The following SGIP1 variants were observed in gnomAD, a reference collection of about 807,000 sequenced individuals.
SGIP1 encodes the protein SH3GL interacting endocytic adaptor 1.
SGIP1 carries 38 observed loss-of-function variants against 107.5 expected under a neutral mutation model. The ratio of observed to expected loss-of-function variants is 0.35; its 90% CI spans 0.27 to 0.46. SGIP1 has a LOEUF of 0.46. SGIP1 is among the 20% of genes least tolerant of loss of function. The pLI is 1.00. For synonymous variants in SGIP1, 365 were observed against 366.1 expected (o/e 1.00, Z 0.03); for missense variants, 929 against 1,019.5 (o/e 0.91, Z 1.21).
At chr1:66,539,086 A>G (rs911391264) in intron 1 of SGIP1, among the ~76,000 whole-genome samples, 64 of 152,352 alleles carry the variant, frequency 4.2e-4, no homozygotes, top group African/African-American at 1.5e-3. Flanking sequence ...ATGTAAACTC[A>G]CAGACTGAAT....
intron 12 of SGIP1, among the ~76,000 whole-genome samples, chr1:66,674,025 G>A (rs1252778626): frequency 3.3e-5 from 5 of 151,924 alleles, no homozygotes; most frequent in South Asian, 2.1e-4. Flanking sequence ...AAAATTAGCC[G>A]GGCATGGTGG....
chr1:66,739,681 G>T, intron 22 of SGIP1, 144 bp downstream of exon 22: 1 of 734,936 alleles, frequency 1.4e-6, no homozygotes, highest in Non-Finnish European at 2.2e-6. Context: ...ACCACTGGTA[G>T]CTATTTTAAG....
chr1:66,708,778 C>CA (rs35422955), intron 18 of SGIP1, among the ~76,000 whole-genome samples: 3 of 151,586 alleles, frequency 2.0e-5, no homozygotes, highest in East Asian at 3.9e-4. Flanking sequence ...ATTTGAAAAG[C>CA]AAAAAAAATA....
intron 18 of SGIP1, among the ~76,000 whole-genome samples, chr1:66,708,897 C>T (rs186731725): frequency 6.6e-5 from 10 of 152,220 alleles, no homozygotes; most frequent in African/African-American, 2.2e-4. Flanking sequence ...ATCCAGTACT[C>T]TCAGTTCTAC....
At chr1:66,653,659 T>C (rs1321836676) in intron 7 of SGIP1, among the ~76,000 whole-genome samples, 4 of 152,322 alleles carry the variant, frequency 2.6e-5, no homozygotes, top group South Asian at 2.1e-4. Flanking sequence ...AATCAAAATT[T>C]CATTGAATAA....
At chr1:66,629,795 C>A (rs1217603608) in intron 2 of SGIP1, among the ~76,000 whole-genome samples, 1 of 152,160 alleles carries the variant, frequency 6.6e-6, no homozygotes, top group Non-Finnish European at 1.5e-5. Flanking sequence ...CTGCTAAAAT[C>A]TCTTCACTCC....
intron 7 of SGIP1, among the ~76,000 whole-genome samples, chr1:66,652,415 G>A (rs2078935670): frequency 6.6e-6 from 1 of 152,154 alleles, no homozygotes; most frequent in Non-Finnish European, 1.5e-5. Flanking sequence ...ACCTACCCTG[G>A]CGTGTAGGCT....
At chr1:66,567,435 C>G (rs965502283) in intron 1 of SGIP1, among the ~76,000 whole-genome samples, 5 of 151,946 alleles carry the variant, frequency 3.3e-5, no homozygotes. Context: ...TGCAAAAATG[C>G]TCTCCCATTC....
intron 1 of SGIP1, among the ~76,000 whole-genome samples, chr1:66,611,657 T>C (rs1195704156): frequency 1.3e-5 from 2 of 152,198 alleles, no homozygotes; most frequent in Non-Finnish European, 2.9e-5. Flanking sequence ...AGGTGATAGC[T>C]TCATGCGATG....
At chr1:66,727,427 C>T (rs2093806197) in intron 19 of SGIP1, among the ~76,000 whole-genome samples, 1 of 152,174 alleles carries the variant, frequency 6.6e-6, no homozygotes, top group Admixed American at 6.5e-5. Flanking sequence ...TGTGGAAGAA[C>T]TAAAACCCTC....
chr1:66,715,303 A>G lies in SGIP1; in HGVS notation c.1631-3991A>G, dbSNP rs562263339. On this transcript the variant is annotated intron_variant, in intron 18 of 24. Coordinates refer to ENST00000371037, the MANE Select transcript of SGIP1 (RefSeq NM_032291.4). The stretch of plus-strand genomic sequence containing the variant: ...CAAAATGGCATATCAATTGCAATGT[A>G]TAGGGATGTGAAGAAATTAGGGTTG... Among the ~76,000 whole-genome samples the G allele has an allele frequency of 5.9e-5, 9 of 152,286 alleles. 1 individual carries two copies. The highest frequency in any genetic ancestry group is 2.2e-4 in the African/African-American group (9 of 41,578).
chr1:66,717,486 G>A (rs970876161), intron 18 of SGIP1, among the ~76,000 whole-genome samples: 3 of 152,088 alleles, frequency 2.0e-5, no homozygotes, highest in Admixed American at 2.0e-4. Flanking sequence ...GTACTGTCAA[G>A]GTCTCATTAC....
At chr1:66,684,959 T>G (rs1465101667) in intron 15 of SGIP1, among the ~76,000 whole-genome samples, 1 of 152,242 alleles carries the variant, frequency 6.6e-6, no homozygotes, top group Admixed American at 6.5e-5. Flanking sequence ...AAAATTGAAC[T>G]GGGCCACTGA....
chr1:66,687,154 A>G (rs2088554238), intron 15 of SGIP1, among the ~76,000 whole-genome samples: 2 of 152,220 alleles, frequency 1.3e-5, no homozygotes, highest in African/African-American at 4.8e-5. Flanking sequence ...GCATGTAGGA[A>G]AAGGATAAAC....
At chr1:66,668,183 A>G (rs1335365832) in intron 9 of SGIP1, among the ~76,000 whole-genome samples, 1 of 152,098 alleles carries the variant, frequency 6.6e-6, no homozygotes, top group Non-Finnish European at 1.5e-5. Context: ...CCTCAAGTTG[A>G]AAAGTATCAT....
chr1:66,738,076 G>A (rs1321785402), intron 21 of SGIP1, among the ~76,000 whole-genome samples: 1 of 152,104 alleles, frequency 6.6e-6, no homozygotes. Context: ...CTTTTGATCT[G>A]CTTTAGTTAA....
At chr1:66,637,455 TTGTGTGTGTGTG>T (rs879668501) in intron 4 of SGIP1, among the ~76,000 whole-genome samples, 3 of 38,458 alleles carry the variant, frequency 7.8e-5, no homozygotes, top group African/African-American at 5.3e-4. Context: ...GTGTGTGTGT[TTGTGTGTGTGTG>T]TGTGTGTGTG....
intron 18 of SGIP1, among the ~76,000 whole-genome samples, chr1:66,716,471 C>A (rs940907814): frequency 6.6e-6 from 1 of 152,066 alleles, no homozygotes; most frequent in African/African-American, 2.4e-5. Context: ...TAAGAAATCT[C>A]CTCACCTACA....
At chr1:66,585,452 A>T (rs1298809122) in intron 1 of SGIP1, among the ~76,000 whole-genome samples, 1 of 152,144 alleles carries the variant, frequency 6.6e-6, no homozygotes, top group Non-Finnish European at 1.5e-5. Context: ...CTAGGATATC[A>T]AGTTATGCTA....
Sources: allele counts gnomAD v4.1 joint callset (sites outside exome capture counted in the v4.1 genomes callset), GRCh38; gene constraint gnomAD v4.1.1; transcripts MANE v1.5; gene names NCBI Gene and HGNC (gene_info 2026-07-23, HGNC 2026-07-21).